Variants in TTC27 observed in about 807,000 individuals in gnomAD.
TTC27 encodes tetratricopeptide repeat domain 27, also known as tetratricopeptide repeat protein 27.
Under a neutral mutation model 115.9 loss-of-function variants are expected in TTC27, and 79 were observed. The observed-to-expected ratio is 0.68, with a 90% CI of 0.57 to 0.82. The LOEUF (loss-of-function observed/expected upper bound fraction) is 0.82, where lower values mean the gene tolerates loss of function less well. Among genes scored for constraint, TTC27 ranks in the 40% least tolerant of loss-of-function variants. TTC27 has a pLI of 0.00. For missense variants in TTC27, 1,054 were observed against 993.1 expected, an observed-to-expected ratio of 1.06 and a Z score of -0.82; for synonymous variants, 401 against 356.0, an observed-to-expected ratio of 1.13 and a Z score of -1.42.
chr2:32,666,180 T>G (rs1219217241), intron 6 of TTC27, among the ~76,000 whole-genome samples: 1 of 152,168 alleles, frequency 6.6e-6, no homozygotes, highest in Admixed American at 6.5e-5. Context: ...TTACATGAAG[T>G]CAGATAGTGT....
At chr2:32,789,947 G>A (rs2594514) in intron 16 of TTC27, among the ~76,000 whole-genome samples, 1,304 of 81,494 alleles carry the variant, frequency 0.016, 11 homozygotes, top group Middle Eastern at 0.042. Flanking sequence ...AAAAAAAAAA[G>A]AGAAGTCTTT....
chr2:32,702,764 G>T, intron 9 of TTC27, 43 bp from the exon 10 acceptor site: 1 of 1,313,822 alleles, frequency 7.6e-7, no homozygotes. Flanking sequence ...AGATCACCTA[G>T]CTTATCTCTT....
intron 10 of TTC27, among the ~76,000 whole-genome samples, chr2:32,727,133 C>G (rs1668137495): frequency 6.6e-6 from 1 of 151,794 alleles, no homozygotes; most frequent in South Asian, 2.1e-4. Context: ...TTTGAACTTC[C>G]AAGAAAAAAA....
chr2:32,798,223 A>T (rs1337327178), intron 16 of TTC27, among the ~76,000 whole-genome samples: 1 of 137,838 alleles, frequency 7.3e-6, no homozygotes, highest in African/African-American at 2.7e-5. Context: ...TGGCTAACAC[A>T]GTAAAACCCC....
intron 18 of TTC27, 98 bp from the exon 19 acceptor site, chr2:32,817,359 T>C (rs1245175632): frequency 9.8e-6 from 9 of 921,652 alleles, no homozygotes; most frequent in Non-Finnish European, 1.5e-5. Context: ...TTCTAAAGTA[T>C]GTTACTATAA....
chr2:32,756,798 C>T (rs1427209056), intron 12 of TTC27, among the ~76,000 whole-genome samples: 1 of 152,212 alleles, frequency 6.6e-6, no homozygotes, highest in Non-Finnish European at 1.5e-5. Flanking sequence ...AGCACCACTG[C>T]TGTTTACGTG....
chr2:32,782,546 G>T, intron 14 of TTC27, 80 bp from the exon 15 acceptor site: 1 of 1,224,592 alleles, frequency 8.2e-7, no homozygotes. Context: ...TGGACTAGGA[G>T]AGTGTGTTGT....
At chr2:32,675,437 G>A (rs1179460893) in intron 8 of TTC27, among the ~76,000 whole-genome samples, 4 of 152,178 alleles carry the variant, frequency 2.6e-5, no homozygotes, top group Admixed American at 6.5e-5. Context: ...CATCTTTTCT[G>A]GATACTTGTT....
At chr2:32,805,456 T>C (rs1390756493) in intron 16 of TTC27, among the ~76,000 whole-genome samples, 1 of 152,190 alleles carries the variant, frequency 6.6e-6, no homozygotes, top group African/African-American at 2.4e-5. Flanking sequence ...AGGTTTTTTA[T>C]TTGTAAAGTA....
At chr2:32,820,228 A>G (rs1671636920) in intron 19 of TTC27, among the ~76,000 whole-genome samples, 2 of 152,224 alleles carry the variant, frequency 1.3e-5, no homozygotes, top group South Asian at 4.1e-4. Context: ...ATGTTGGCTC[A>G]GCAGGCAGTT....
intron 9 of TTC27, among the ~76,000 whole-genome samples, chr2:32,696,545 C>T (rs1459086902): frequency 2.6e-5 from 4 of 151,994 alleles, no homozygotes; most frequent in African/African-American, 4.8e-5. Flanking sequence ...CCACCTGCCT[C>T]GGCCTCCGAA....
At chr2:32,667,278 A>G (rs541159998) in intron 7 of TTC27, among the ~76,000 whole-genome samples, 2 of 151,812 alleles carry the variant, frequency 1.3e-5, no homozygotes, top group African/African-American at 4.8e-5. Flanking sequence ...TTTATTTGAC[A>G]TGTCTAGTGA....
Position 32,756,778 on chromosome 2 carries a change from C to T in TTC27, c.1453-1514C>T, listed in dbSNP as rs776093026. On this transcript the variant is annotated intron_variant, in intron 12 of 19. Transcript: ENST00000317907. ...TCCATTTTGGCAATGGCTATCCTAG[C>T]GTCCTTGGCAGCACCACTGCTGTTT... Among the ~76,000 whole-genome samples the T allele has an allele frequency of 2.0e-5, 3 of 152,196 alleles. No individual in the cohort carries two copies. In the East Asian group the frequency reaches 5.8e-4, roughly 29 times the overall value.
rs111453386 is a variant in TTC27 at position 32,698,772 on chromosome 2, G to A, written c.1120-4035G>A. ...TGGGATTACAGGCGTGAGCCACTGC[G>A]CCCGGCCAAGGAACGTGTTGTCTTA... On this transcript the variant is annotated intron_variant, in intron 9 of 19. Coordinates refer to ENST00000317907, the MANE Select transcript of TTC27 (RefSeq NM_017735.5). Among the ~76,000 whole-genome samples the A allele has an allele frequency of 9.8e-3, 1,489 of 152,202 alleles. 12 individuals are homozygous for A. Among genetic ancestry groups the A allele is most frequent in the Middle Eastern group, 0.021 (6 of 292 alleles).
intron 13 of TTC27, among the ~76,000 whole-genome samples, chr2:32,771,876 G>A (rs983044538): frequency 4.6e-5 from 7 of 152,190 alleles, no homozygotes; most frequent in African/African-American, 1.7e-4. Flanking sequence ...CAGGGGTACA[G>A]AAAGAGTGGA....
At chr2:32,734,058 A>G (rs1005939084) in intron 11 of TTC27, 135 bp downstream of exon 11, 1 of 531,274 alleles carries the variant, frequency 1.9e-6, no homozygotes, top group Non-Finnish European at 3.2e-6. Flanking sequence ...TCTGCCTGGG[A>G]ATTGCTAACT....
At chr2:32,765,256 G>T (rs954919596) in intron 13 of TTC27, among the ~76,000 whole-genome samples, 2 of 152,064 alleles carry the variant, frequency 1.3e-5, no homozygotes, top group African/African-American at 4.8e-5. Context: ...AGTGGTTGTT[G>T]TGTTAGCAAG....
Position 32,628,155 on chromosome 2 carries a change from C to T in TTC27, c.-138C>T. 2.6e-6 allele frequency: 2 copies of T among 775,986 alleles called. No homozygotes were observed. Among genetic ancestry groups the T allele is most frequent in the South Asian group, 1.7e-5 (1 of 59,528 alleles). The allele number at this position is 775,986 out of a possible 1,614,324, so 48.1% of individuals were successfully genotyped here. A position where few individuals can be genotyped will look rare whatever the true frequency, so the allele number is the denominator to read the frequency against. On this transcript the variant is annotated 5_prime_UTR_variant, in exon 1 of 20. Transcript: ENST00000317907. ...TGAGGTAGTATCCGCACATGGAATT[C>T]TAGGGCCGCAGGTGTATTTACGGTA...
intron 10 of TTC27, among the ~76,000 whole-genome samples, chr2:32,733,245 AT>A (rs1348037917): frequency 6.6e-6 from 1 of 152,178 alleles, no homozygotes; most frequent in Non-Finnish European, 1.5e-5. Context: ...CATTGTAGAA[AT>A]TTCAGTACAT....
Sources: gnomAD v4.1 joint callset for allele counts (sites outside exome capture counted in the v4.1 genomes callset) on GRCh38, gnomAD v4.1.1 for gene constraint, MANE v1.5 for transcripts, NCBI Gene and HGNC (gene_info 2026-07-23, HGNC 2026-07-21) for gene names.